F13B: variants seen among roughly 807,000 people sequenced by gnomAD.
F13B encodes the protein TGase.
In F13B, 58 loss-of-function variants were observed where a neutral mutation model predicts 79.8. That is an observed-to-expected ratio of 0.73 (90% CI 0.59 to 0.90). F13B has a LOEUF of 0.90. Among genes scored for constraint, F13B ranks in the 40% least tolerant of loss-of-function variants. F13B has a pLI of 0.00. For missense variants in F13B, 773 were observed against 777.0 expected, an observed-to-expected ratio of 0.99 and a Z score of 0.06; for synonymous variants, 283 against 260.3, an observed-to-expected ratio of 1.09 and a Z score of -0.84.
In F13B at chr1:197,050,746, C is replaced by A. The variant is rs772452914; in HGVS notation, c.1689G>T (p.Arg563Ser). 1.2e-6 allele frequency: 2 copies of A among 1,613,088 alleles called. No individual in the cohort carries two copies. The highest frequency in any genetic ancestry group is 3.3e-5 in the Admixed American group (2 of 59,818). ...ACATTCCATCTAAACAATAGGCCTC[C>A]CTAGATCCTTCTAGGAAATGGTGAT... Reference protein sequence around the residue: ...CFDHHFLEGSREAYCLDGMWT... With the variant: ...CFDHHFLEGSSEAYCLDGMWT... Residue 563 changes from arginine (R) to serine (S), a missense_variant, in exon 10 of 12, where the codon AGG becomes AGT. Transcript: ENST00000367412.
At chr1:197,041,376 A>T (rs902488367) in intron 10 of F13B, among the ~76,000 whole-genome samples, 2 of 152,198 alleles carry the variant, frequency 1.3e-5, no homozygotes, top group Non-Finnish European at 2.9e-5. Context: ...AGTATGTATT[A>T]AAATACACAA....
At chr1:197,052,358 G>T (rs1048049715) in intron 9 of F13B, among the ~76,000 whole-genome samples, 1 of 152,096 alleles carries the variant, frequency 6.6e-6, no homozygotes, top group African/African-American at 2.4e-5. Context: ...GTGGAAGACA[G>T]TGTGGTGATT....
At chr1:197,059,726 A>C (rs1655785495) in intron 5 of F13B, among the ~76,000 whole-genome samples, 1 of 152,098 alleles carries the variant, frequency 6.6e-6, no homozygotes, top group Non-Finnish European at 1.5e-5. Context: ...TTTTTTTCAT[A>C]TCTGCAATTA....
chr1:197,053,580 T>C (rs1419221975), intron 8 of F13B, among the ~76,000 whole-genome samples: 1 of 152,122 alleles, frequency 6.6e-6, no homozygotes, highest in Non-Finnish European at 1.5e-5. Context: ...CTTTCCTTTA[T>C]AAATTACCCA....
At chr1:197,041,384 CAAA>C (rs544871610) in intron 10 of F13B, among the ~76,000 whole-genome samples, 1 of 152,072 alleles carries the variant, frequency 6.6e-6, no homozygotes, top group Non-Finnish European at 1.5e-5. Context: ...TTAAAATACA[CAAA>C]AAAACCTCTT....
intron 7 of F13B, 142 bp downstream of exon 7, chr1:197,056,871 A>G (rs904971302): frequency 7.9e-6 from 6 of 760,116 alleles, no homozygotes; most frequent in African/African-American, 1.7e-5. Flanking sequence ...ACACATGCAA[A>G]GCAGAAGAGT....
intron 2 of F13B, among the ~76,000 whole-genome samples, chr1:197,062,568 TTAAAG>T (rs1207295914): frequency 1.3e-5 from 2 of 152,182 alleles, no homozygotes; most frequent in Non-Finnish European, 2.9e-5. Context: ...TTCTTGTTAC[TTAAAG>T]TAAATTACCT....
At chr1:197,062,035 T>C in intron 2 of F13B, 66 bp from the exon 3 acceptor site, 1 of 1,375,376 alleles carries the variant, frequency 7.3e-7, no homozygotes, top group Non-Finnish European at 1.0e-6. Context: ...AATTGTAAAA[T>C]TAAGCCAAAA....
At chr1:197,065,592 C>G (rs1656019516) in intron 1 of F13B, among the ~76,000 whole-genome samples, 2 of 152,116 alleles carry the variant, frequency 1.3e-5, no homozygotes, top group African/African-American at 4.8e-5. Context: ...AGATGATATA[C>G]TTCAAAACTG....
chr1:197,060,394 A>G lies in F13B; in HGVS notation c.777T>C (p.Gly259=). The G allele has an allele frequency of 6.2e-7, 1 of 1,612,686 alleles. No individual in the cohort carries two copies. Among genetic ancestry groups the G allele is most frequent in the Non-Finnish European group, 8.5e-7 (1 of 1,179,070 alleles). The change falls in exon 5 of 12, where the codon GGT becomes GGC. Residue 259 remains glycine, a synonymous_variant. Transcript: ENST00000367412. ...CGCATACAGGAGATTCTGGGTACCA[A>G]CCAAAGTTATAGCATTGAATTAAAT... ...GSDLIQCYNF[G]WYPESPVCEG...
Position 197,061,023 on chromosome 1 carries a change from T to C in F13B, c.504A>G (p.Lys168=). ...LYNGNYSTTQ[K]TFKVKDKVQY... ...GTACTTTGTCCTTCACTTTGAATGTTTTCTGTGTTGTGGAATAATTTCCAT... is the reference window on the plus strand; with the variant it reads ...GTACTTTGTCCTTCACTTTGAATGTCTTCTGTGTTGTGGAATAATTTCCAT... Residue 168 remains lysine, a synonymous_variant, in exon 4 of 12, where the codon AAA becomes AAG. Coordinates refer to ENST00000367412, the MANE Select transcript of F13B (RefSeq NM_001994.3). The C allele has an allele frequency of 1.9e-6, 3 of 1,604,182 alleles. No individual in the cohort carries two copies. The highest frequency in any genetic ancestry group is 3.3e-4 in the Middle Eastern group (2 of 6,036).
At chr1:197,050,134 A>G (rs146964773) in intron 10 of F13B, among the ~76,000 whole-genome samples, 1 of 152,162 alleles carries the variant, frequency 6.6e-6, no homozygotes, top group South Asian at 2.1e-4. Flanking sequence ...CTTCCATTCA[A>G]CATTGTACTG....
intron 2 of F13B, 151 bp downstream of exon 2, chr1:197,062,706 A>T (rs1318310540): frequency 5.5e-6 from 4 of 730,830 alleles, no homozygotes; most frequent in Non-Finnish European, 9.7e-6. Context: ...ATTTCAAATT[A>T]TGCCTTCATT....
rs150018725 is a variant in F13B at position 197,042,580 on chromosome 1, A to C, written c.1739-1845T>G. On this transcript the variant is annotated intron_variant, in intron 10 of 11. Coordinates refer to ENST00000367412, the MANE Select transcript of F13B (RefSeq NM_001994.3). Reference sequence around the variant, plus strand: ...ACACCTGTAATCCCAGCACTTTGGGAGGCCAAGGCGGGCGGATCATCTGAG... The same window carrying C: ...ACACCTGTAATCCCAGCACTTTGGGCGGCCAAGGCGGGCGGATCATCTGAG... Among the ~76,000 whole-genome samples the C allele has an allele frequency of 6.2e-3, 936 of 150,226 alleles. 7 individuals carry two copies. The highest frequency in any genetic ancestry group is 0.022 in the African/African-American group (896 of 40,978).
chr1:197,050,949 A>G (rs1655420798), intron 9 of F13B, 70 bp from the exon 10 acceptor site: 2 of 1,321,252 alleles, frequency 1.5e-6, no homozygotes, highest in Non-Finnish European at 2.1e-6. Context: ...TAAGTGCTAC[A>G]GAGACAGAGT....
rs751152638 is a variant in F13B at position 197,055,744 on chromosome 1, C to T, written c.1325G>A (p.Gly442Glu). 1.4e-5 allele frequency: 23 copies of T among 1,613,394 alleles called. No homozygotes were observed. The highest frequency in any genetic ancestry group is 1.9e-5 in the Non-Finnish European group (22 of 1,179,684). The change falls in exon 8 of 12, where the codon GGA (glycine) becomes GAA (glutamate). Residue 442 changes from glycine (G) to glutamate (E), a missense_variant. Transcript: ENST00000367412. ...RGSKISRCEQ[G>E]KWSSPPVCLE... is the part of the protein sequence containing the mutation. ...GCAAACAGGTGGGGATGACCATTTT[C>T]CTTGTTCGCAACGAGATATTTTTGA...
chr1:197,061,205 C>A, intron 3 of F13B, 130 bp from the exon 4 acceptor site: 1 of 512,088 alleles, frequency 2.0e-6, no homozygotes, highest in Admixed American at 3.6e-5. Context: ...TGAAAAATAG[C>A]CCCAATTTTT....
intron 7 of F13B, 78 bp from the exon 8 acceptor site, chr1:197,055,975 T>C (rs1382460691): frequency 5.1e-6 from 6 of 1,183,298 alleles, no homozygotes; most frequent in Non-Finnish European, 7.4e-6. Flanking sequence ...AGTGTCTCGA[T>C]ATTTGTATTA....
chr1:197,062,590 G>A (rs1655903361), intron 2 of F13B, among the ~76,000 whole-genome samples: 1 of 151,980 alleles, frequency 6.6e-6, no homozygotes, highest in Non-Finnish European at 1.5e-5. Context: ...ACCTCTCTTT[G>A]CCTTGCAATA....
Sources: allele counts gnomAD v4.1 joint callset (sites outside exome capture counted in the v4.1 genomes callset), GRCh38; gene constraint gnomAD v4.1.1; transcripts MANE v1.5; gene names NCBI Gene and HGNC (gene_info 2026-07-23, HGNC 2026-07-21).